Variants in TTBK2 observed in about 807,000 individuals in gnomAD.
TTBK2 encodes tau tubulin kinase 2.
Under a neutral mutation model 110.8 loss-of-function variants are expected in TTBK2, and 28 were observed. That is an observed-to-expected ratio of 0.25 (90% CI 0.19 to 0.35). TTBK2 has a LOEUF of 0.35. TTBK2 is among the 10% of genes least tolerant of loss of function. The pLI is 1.00. For synonymous variants in TTBK2, 532 were observed against 527.3 expected (o/e 1.01, Z -0.12); for missense variants, 1,369 against 1,500.3 (o/e 0.91, Z 1.45).
At chr15:42,878,492 TACACACACACACACAC>T (rs10650948) in intron 2 of TTBK2, 41 bp downstream of exon 2, 14 of 1,542,300 alleles carry the variant, frequency 9.1e-6, no homozygotes, top group East Asian at 2.3e-5. Context: ...CCGATATGTA[TACACACACACACACAC>T]ACACACACAC....
intron 13 of TTBK2, among the ~76,000 whole-genome samples, chr15:42,757,717 CAAAT>C (rs1262711654): frequency 1.3e-5 from 2 of 152,186 alleles, no homozygotes; most frequent in South Asian, 2.1e-4. Context: ...ACAAATGGAC[CAAAT>C]AAATAATCTG....
At chr15:42,823,862 A>G (rs1227144346) in intron 6 of TTBK2, among the ~76,000 whole-genome samples, 1 of 152,044 alleles carries the variant, frequency 6.6e-6, no homozygotes, top group Non-Finnish European at 1.5e-5. Context: ...ATAAAGGAAT[A>G]CCTGAGGCTG....
In TTBK2 at chr15:42,746,203, G is replaced by A; in HGVS notation, c.3327C>T (p.Ser1109=). Residue 1109 remains serine, a synonymous_variant, in exon 15 of 15, where the codon TCC becomes TCT. Coordinates refer to ENST00000267890, the MANE Select transcript of TTBK2 (RefSeq NM_173500.4). ...CATTTTGAAGAATTTGGGCCAGGCG[G>A]GAGAAAAGGTCTGAGTCGGAGTTAC... ...GSSNSDSDLF[S]RLAQILQNGS... 2 of 1,614,094 alleles carry A rather than the reference G, an allele frequency of 1.2e-6. No individual in the cohort carries two copies. The highest frequency in any genetic ancestry group is 1.3e-5 in the African/African-American group (1 of 75,000).
At chr15:42,768,912 T>G (rs983462794) in intron 13 of TTBK2, among the ~76,000 whole-genome samples, 2 of 151,970 alleles carry the variant, frequency 1.3e-5, no homozygotes, top group African/African-American at 4.8e-5. Flanking sequence ...CCAAAACAGA[T>G]ACATAGACCA....
rs1182432499 is a variant in TTBK2, at chr15:42,746,026, T to A, written c.3504A>T (p.Pro1168=). 6.2e-7 allele frequency: 1 copy of A among 1,613,992 alleles called. No homozygotes were observed. The highest frequency in any genetic ancestry group is 8.5e-7 in the Non-Finnish European group (1 of 1,179,994). Residue 1168 remains proline, a synonymous_variant, in exon 15 of 15, where the codon CCA becomes CCT. Coordinates refer to ENST00000267890, the MANE Select transcript of TTBK2 (RefSeq NM_173500.4). ...CATGGTGGGGCCGTCCAGCCCTAGA[T>A]GGTGAGGAACTAGACGTGCGAGGCA... The part of the protein sequence containing the change: ...SSLPRTSSSS[P]SRAGRPHHDQ...
intron 9 of TTBK2, among the ~76,000 whole-genome samples, chr15:42,797,389 A>T (rs990306130): frequency 6.6e-6 from 1 of 152,230 alleles, no homozygotes; most frequent in Admixed American, 6.5e-5. Flanking sequence ...TGTTACTACG[A>T]TGGTGATATT....
At chr15:42,802,551 T>A (rs1052445494) in intron 9 of TTBK2, 2 of 429,890 alleles carry the variant, frequency 4.7e-6, no homozygotes, top group East Asian at 8.9e-5. Context: ...GCACCCATCC[T>A]CTAACAAACT....
intron 2 of TTBK2, among the ~76,000 whole-genome samples, chr15:42,875,627 C>T (rs1374957609): frequency 6.6e-6 from 1 of 151,964 alleles, no homozygotes; most frequent in Non-Finnish European, 1.5e-5. Flanking sequence ...GACCATCTGG[C>T]CAGGCACAGT....
intron 1 of TTBK2, among the ~76,000 whole-genome samples, chr15:42,906,762 T>A (rs973410645): frequency 6.6e-6 from 1 of 152,074 alleles, no homozygotes; most frequent in Admixed American, 6.6e-5. Context: ...GAGAAAATAT[T>A]TGCAAACTAT....
At chr15:42,918,484 G>A (rs188362035) in intron 1 of TTBK2, among the ~76,000 whole-genome samples, 277 of 152,186 alleles carry the variant, frequency 1.8e-3, no homozygotes, top group Admixed American at 3.7e-3. Flanking sequence ...ATCTGGATAT[G>A]TTACTTTTTA....
At chr15:42,917,644 A>G (rs1367090271) in intron 1 of TTBK2, among the ~76,000 whole-genome samples, 2 of 152,016 alleles carry the variant, frequency 1.3e-5, no homozygotes, top group Admixed American at 1.3e-4. Flanking sequence ...CTGGGGAAAA[A>G]ACTTCCACTA....
At chr15:42,838,537 T>TG (rs1893088374) in intron 4 of TTBK2, among the ~76,000 whole-genome samples, 1 of 152,080 alleles carries the variant, frequency 6.6e-6, no homozygotes, top group Admixed American at 6.6e-5. Context: ...GGGAACAGGC[T>TG]GGGGGCAGTG....
rs1160176411 is a variant in TTBK2, at chr15:42,743,066, A to G, written c.*2729T>C. On this transcript the variant is annotated 3_prime_UTR_variant, in exon 15 of 15. Coordinates refer to ENST00000267890, the MANE Select transcript of TTBK2 (RefSeq NM_173500.4). Reference sequence around the variant, plus strand: ...TGTAAAAACCAAAAAGTAAATCTCTACATAGGACAATACTTATAAGCAGAC... The same window carrying G: ...TGTAAAAACCAAAAAGTAAATCTCTGCATAGGACAATACTTATAAGCAGAC... The G allele has an allele frequency of 6.6e-6, 1 of 152,236 alleles. No homozygotes were observed. The highest frequency in any genetic ancestry group is 1.9e-4 in the East Asian group (1 of 5,200). 9.4% of individuals were successfully genotyped at this position (152,236 alleles called of 1,614,324 possible). A position where few individuals can be genotyped will look rare whatever the true frequency, so the allele number is the denominator to read the frequency against.
At chr15:42,911,097 G>C (rs1013812096) in intron 1 of TTBK2, among the ~76,000 whole-genome samples, 2 of 151,014 alleles carry the variant, frequency 1.3e-5, no homozygotes, top group African/African-American at 4.9e-5. Flanking sequence ...ACATCAATTT[G>C]TAAGGGCCAA....
intron 3 of TTBK2, chr15:42,855,181 G>T (rs1893880047): frequency 6.6e-6 from 1 of 152,134 alleles, no homozygotes; most frequent in African/African-American, 2.4e-5. Flanking sequence ...GGGTTCAAGT[G>T]ATTCTCCTGC....
At chr15:42,822,821 T>C (rs1397120178) in intron 6 of TTBK2, among the ~76,000 whole-genome samples, 3 of 152,192 alleles carry the variant, frequency 2.0e-5, no homozygotes, top group Non-Finnish European at 4.4e-5. Flanking sequence ...GAGGAAACTA[T>C]TTTAACAATT....
At position 42,872,742 on chromosome 15, in the gene TTBK2, C is replaced by A; in HGVS notation, c.86G>T (p.Gly29Val). The change falls in exon 3 of 15, where the codon GGT becomes GTT. Residue 29 changes from glycine (G) to valine (V), a missense_variant. Gly to Val is a moderately radical substitution (Grantham distance 109). Coordinates refer to ENST00000267890, the MANE Select transcript of TTBK2 (RefSeq NM_173500.4). ...ERWKVLRKIGGGGFGEIYDAL... is the reference protein window; with the variant it reads ...ERWKVLRKIGVGGFGEIYDAL... ...ATCGTAAATTTCTCCAAAGCCCCCA[C>A]CCCCAATCTTTCTCAACTGCACAGA... is the stretch of plus-strand genomic sequence containing the variant. 6.2e-7 allele frequency: 1 copy of A among 1,613,956 alleles called. No individual in the cohort carries two copies. The highest frequency in any genetic ancestry group is 1.1e-5 in the South Asian group (1 of 91,066).
intron 5 of TTBK2, among the ~76,000 whole-genome samples, chr15:42,828,863 G>A (rs1892640496): frequency 1.3e-5 from 2 of 152,144 alleles, no homozygotes; most frequent in Non-Finnish European, 2.9e-5. Context: ...ATGAAAATCA[G>A]TGTGATATTA....
chr15:42,843,692 GAGGCTGC>G (rs1000225290), intron 3 of TTBK2, among the ~76,000 whole-genome samples: 1 of 149,300 alleles, frequency 6.7e-6, no homozygotes, highest in Non-Finnish European at 1.5e-5. Context: ...CCGGGAGGAG[GAGGCTGC>G]AGTGAGCCAA....
Sources: allele counts gnomAD v4.1 joint callset (sites outside exome capture counted in the v4.1 genomes callset), GRCh38; gene constraint gnomAD v4.1.1; transcripts MANE v1.5; gene names NCBI Gene and HGNC (gene_info 2026-07-23, HGNC 2026-07-21).